The following ZFYVE26 variants were observed in gnomAD, a reference collection of about 807,000 sequenced individuals.
ZFYVE26 encodes the protein zinc finger FYVE-type containing 26.
Under a neutral mutation model 276.5 loss-of-function variants are expected in ZFYVE26, and 181 were observed. The observed-to-expected ratio is 0.65, with a 90% CI of 0.58 to 0.74. The LOEUF is 0.74. Ranked by LOEUF, ZFYVE26 falls within the 30% of genes least tolerant of loss-of-function variation. ZFYVE26 has a pLI of 0.00. For missense variants in ZFYVE26, 2,821 were observed against 3,097.9 expected (o/e 0.91, Z 2.12); for synonymous variants, 1,129 against 1,203.1 (o/e 0.94, Z 1.27).
At chr14:67,786,067 C>T (rs774144263) in intron 17 of ZFYVE26, 45 bp from the exon 18 acceptor site, 2 of 1,614,124 alleles carry the variant, frequency 1.2e-6, no homozygotes, top group East Asian at 2.2e-5. Flanking sequence ...CTGTTGCTGA[C>T]CTAATGTTCC....
rs2140181226 is a variant in ZFYVE26, at chr14:67,752,504, A to G, written c.7211T>C (p.Met2404Thr). Residue 2404 changes from methionine to threonine, a missense_variant, in exon 40 of 42, where the codon ATG (methionine) becomes ACG (threonine). By Grantham distance (81) the Met-to-Thr change is moderately conservative (BLOSUM62 -1). Transcript: ENST00000347230. Reference sequence around the variant, plus strand: ...CTGGCGGGCAGCTCTGCAGTAGGTCATGGCAGCATCCAGCTGGAAGTCCTA... The same window carrying G: ...CTGGCGGGCAGCTCTGCAGTAGGTCGTGGCAGCATCCAGCTGGAAGTCCTA... The part of the protein sequence containing the change: ...VLQDFQLDAA[M>T]TYCRAARQLV... The G allele has an allele frequency of 6.2e-7, 1 of 1,614,172 alleles. No individual in the cohort carries two copies. The highest frequency in any genetic ancestry group is 8.5e-7 in the Non-Finnish European group (1 of 1,180,032).
At chr14:67,728,993 C>CT (rs1248717647) in intron 14 of ZFYVE26, among the ~76,000 whole-genome samples, 1 of 152,156 alleles carries the variant, frequency 6.6e-6, no homozygotes, top group Non-Finnish European at 1.5e-5. Flanking sequence ...ACATAGAAGG[C>CT]TGAGAAGGCT....
Position 67,798,045 on chromosome 14 carries a change from T to C in ZFYVE26, c.2217A>G (p.Arg739=). ...GATGGTTGCTTGTCACCACCTTGTGTCTCCACTGGGCCTCAGAGACAACCT... is the reference window on the plus strand; with the variant it reads ...GATGGTTGCTTGTCACCACCTTGTGCCTCCACTGGGCCTCAGAGACAACCT... ...LSKVVSEAQW[R]HKVVTSNHRS... The change falls in exon 11 of 42, where the codon AGA becomes AGG. Residue 739 remains arginine, a synonymous_variant. Transcript: ENST00000347230. 1 of 1,614,142 alleles carries C rather than the reference T, an allele frequency of 6.2e-7. No homozygotes were observed. The highest frequency in any genetic ancestry group is 8.5e-7 in the Non-Finnish European group (1 of 1,180,018).
At chr14:67,783,625 A>C in intron 20 of ZFYVE26, 100 bp from the exon 21 acceptor site, 1 of 1,481,650 alleles carries the variant, frequency 6.7e-7, no homozygotes, top group South Asian at 1.2e-5. Flanking sequence ...ATGTAAATAA[A>C]AGTTCCTAAT....
intron 21 of ZFYVE26, 78 bp from the exon 22 acceptor site, chr14:67,781,607 A>T: frequency 7.4e-7 from 1 of 1,359,820 alleles, no homozygotes. Context: ...CTTCTTGAGA[A>T]AGGGCTTTCT....
intron 27 of ZFYVE26, among the ~76,000 whole-genome samples, chr14:67,774,667 A>G (rs571318524): frequency 2.0e-5 from 3 of 152,330 alleles, no homozygotes; most frequent in African/African-American, 7.2e-5. Flanking sequence ...CCTTTGTAGA[A>G]AAAAGGAAAT....
chr14:67,779,183 T>C (rs1345522333), intron 23 of ZFYVE26, among the ~76,000 whole-genome samples: 1 of 152,170 alleles, frequency 6.6e-6, no homozygotes, highest in East Asian at 1.9e-4. Flanking sequence ...CATGAACAGA[T>C]ATTCAAATTT....
At chr14:67,782,461 C>A (rs1020869922) in intron 21 of ZFYVE26, among the ~76,000 whole-genome samples, 2 of 152,184 alleles carry the variant, frequency 1.3e-5, no homozygotes, top group Non-Finnish European at 2.9e-5. Flanking sequence ...CTTGCCTGAG[C>A]TCTATCCTGG....
chr14:67,729,861 T>C (rs776507124), intron 13 of ZFYVE26: 6 of 455,262 alleles, frequency 1.3e-5, no homozygotes, highest in Admixed American at 2.4e-5. Flanking sequence ...CTGAATCTTA[T>C]CATGAACTCA....
chr14:67,735,862 C>T (rs184527277), intron 13 of ZFYVE26, among the ~76,000 whole-genome samples: 1 of 152,348 alleles, frequency 6.6e-6, no homozygotes, highest in Non-Finnish European at 1.5e-5. Context: ...ACATATGAAA[C>T]TCAAGAAACA....
chr14:67,789,040 AC>A (rs1348578071), intron 16 of ZFYVE26, among the ~76,000 whole-genome samples: 4 of 152,208 alleles, frequency 2.6e-5, no homozygotes, highest in African/African-American at 9.7e-5. Context: ...AGTGAAGTTC[AC>A]CAAGGAGAAA....
chr14:67,739,825 T>C (rs2038394633), intron 13 of ZFYVE26, among the ~76,000 whole-genome samples: 1 of 152,230 alleles, frequency 6.6e-6, no homozygotes, highest in South Asian at 2.1e-4. Flanking sequence ...ATATAATCTA[T>C]ATTAGCCAAA....
At chr14:67,812,125 G>A (rs1384876133) in intron 3 of ZFYVE26, among the ~76,000 whole-genome samples, 1 of 151,960 alleles carries the variant, frequency 6.6e-6, no homozygotes, top group African/African-American at 2.4e-5. Context: ...AGCAGACCAT[G>A]AACACTCTAT....
intron 32 of ZFYVE26, 89 bp from the exon 33 acceptor site, chr14:67,762,908 TTC>T (rs2038970929): frequency 6.4e-7 from 1 of 1,551,800 alleles, no homozygotes. Flanking sequence ...ATTTTCTTTT[TTC>T]TGTTTGTTTT....
In ZFYVE26 at chr14:67,767,816, C is replaced by A. The variant is rs34952009; in HGVS notation, c.5678G>T (p.Ser1893Ile). 8.2e-3 allele frequency: 13,245 copies of A among 1,614,132 alleles called. 71 individuals carry two copies. Among genetic ancestry groups the A allele is most frequent in the Middle Eastern group, 9.1e-3 (55 of 6,062 alleles). Reference protein sequence around the residue: ...PEALDSSKNESPPYSFVVRVP... With the variant: ...PEALDSSKNEIPPYSFVVRVP... ...TCTCACCACAAACGAGTATGGAGGG[C>A]TTTCATTCTTGGAGCTGTCTAGAGC... is the stretch of plus-strand genomic sequence containing the variant. Residue 1893 changes from serine to isoleucine, a missense_variant, in exon 31 of 42, where the codon AGC becomes ATC. Ser to Ile is a moderately radical substitution (Grantham distance 142). Transcript: ENST00000347230.
chr14:67,761,666 T>C, intron 34 of ZFYVE26, 82 bp from the exon 35 acceptor site: 1 of 1,245,178 alleles, frequency 8.0e-7, no homozygotes, highest in Non-Finnish European at 1.2e-6. Context: ...GCAAAGAATA[T>C]TTAACAATGT....
chr14:67,756,705 G>A (rs1379620667), intron 35 of ZFYVE26, among the ~76,000 whole-genome samples: 2 of 151,960 alleles, frequency 1.3e-5, no homozygotes, highest in Non-Finnish European at 1.5e-5. Flanking sequence ...CCAGGGCTTC[G>A]GAGGAACCTA....
At chr14:67,757,993 A>G (rs6573796) in intron 35 of ZFYVE26, among the ~76,000 whole-genome samples, 152,286 of 152,348 alleles carry the variant, frequency 1, 76,112 homozygotes, top group Middle Eastern at 1. Context: ...GGGATTACAG[A>G]AACGAGCCAC....
Position 67,790,587 on chromosome 14 carries a change from T to G in ZFYVE26, c.2740A>C (p.Ser914Arg). The part of the protein sequence containing the change: ...SGRSTLQAIG[S>R]AAAAGMVFYS... Reference sequence around the variant, plus strand: ...GAAGCCTGACCTGCTGCTGCAGCGCTGCCAATGGCCTGTAGAGTTGAGCGG... The same window carrying G: ...GAAGCCTGACCTGCTGCTGCAGCGCGGCCAATGGCCTGTAGAGTTGAGCGG... The change falls in exon 15 of 42, where the codon AGC (serine) becomes CGC (arginine). Residue 914 changes from serine to arginine, a missense_variant. Transcript: ENST00000347230. 1 of 1,613,732 alleles carries G rather than the reference T, an allele frequency of 6.2e-7. No individual in the cohort carries two copies. The highest frequency in any genetic ancestry group is 8.5e-7 in the Non-Finnish European group (1 of 1,179,938).
Sources: allele counts gnomAD v4.1 joint callset (sites outside exome capture counted in the v4.1 genomes callset), GRCh38; gene constraint gnomAD v4.1.1; transcripts MANE v1.5; gene names NCBI Gene and HGNC (gene_info 2026-07-23, HGNC 2026-07-21).